The following ACSM6 variants were observed in gnomAD, a reference collection of about 807,000 sequenced individuals.
ACSM6 encodes the protein acyl-CoA synthetase medium chain family member 6, also known as acyl-coenzyme A synthetase ACSM6, mitochondrial.
ACSM6 carries 35 observed loss-of-function variants against 51.1 expected under a neutral mutation model. The observed-to-expected ratio is 0.69, with a 90% confidence interval of 0.52 to 0.91. The LOEUF (loss-of-function observed/expected upper bound fraction) is 0.91. Ranked by LOEUF, ACSM6 falls within the 40% of genes least tolerant of loss-of-function variation. The pLI is 0.00. For synonymous variants in ACSM6, 172 were observed against 207.3 expected (o/e 0.83, Z 1.46); for missense variants, 509 against 584.1 (o/e 0.87, Z 1.32).
chr10:95,213,507 AT>A (rs1005273217), intron 7 of ACSM6, among the ~76,000 whole-genome samples: 68 of 152,250 alleles, frequency 4.5e-4, no homozygotes, highest in African/African-American at 1.6e-3. Flanking sequence ...TGAAACTTGC[AT>A]TTTTTTCACA....
intron 6 of ACSM6, 32 bp from the exon 7 acceptor site, chr10:95,212,826 C>T (rs768297971): frequency 1.3e-6 from 2 of 1,529,028 alleles, no homozygotes; most frequent in Non-Finnish European, 1.8e-6. Context: ...ACCTCACATG[C>T]AGATTTTGTT....
At chr10:95,208,441 G>A (rs892209505) in intron 4 of ACSM6, among the ~76,000 whole-genome samples, 46 of 152,186 alleles carry the variant, frequency 3.0e-4, no homozygotes, top group African/African-American at 1.1e-3. Flanking sequence ...CAATATCCAC[G>A]TAACAAAACT....
At chr10:95,222,673 T>A (rs921270098) in intron 9 of ACSM6, among the ~76,000 whole-genome samples, 4 of 150,752 alleles carry the variant, frequency 2.7e-5, no homozygotes, top group Non-Finnish European at 5.9e-5. Context: ...GAATTGGTGG[T>A]TGCCAGGAGC....
At chr10:95,207,067 C>A (rs1278845940) in intron 3 of ACSM6, 141 bp from the exon 4 acceptor site, 2 of 718,464 alleles carry the variant, frequency 2.8e-6, no homozygotes, top group Non-Finnish European at 4.6e-6. Flanking sequence ...CAGTCGCCAT[C>A]GTGTTACTGA....
chr10:95,227,708 G>GT (rs1192890431), intron 10 of ACSM6, among the ~76,000 whole-genome samples: 1 of 152,190 alleles, frequency 6.6e-6, no homozygotes, highest in African/African-American at 2.4e-5. Context: ...TAACAAGCAG[G>GT]TTGTCCATTA....
At chr10:95,216,245 A>G (rs1208290094) in intron 8 of ACSM6, among the ~76,000 whole-genome samples, 1 of 152,104 alleles carries the variant, frequency 6.6e-6, no homozygotes, top group Non-Finnish European at 1.5e-5. Flanking sequence ...CTCTTCTTAT[A>G]AGGGCACTAA....
At chr10:95,210,898 C>A in intron 5 of ACSM6, 105 bp downstream of exon 5, 1 of 1,305,436 alleles carries the variant, frequency 7.7e-7, no homozygotes, top group Non-Finnish European at 1.0e-6. Flanking sequence ...CTCAAGACTG[C>A]AGAAAGTGTC....
Position 95,207,197 on chromosome 10 carries a change from GT to G in ACSM6, c.404-4del, listed in dbSNP as rs58102963. The G allele has an allele frequency of 0.54, 863,617 of 1,612,876 alleles. 240,163 individuals carry two copies. The highest frequency in any genetic ancestry group is 0.63 in the Middle Eastern group (3,796 of 6,060). ...GATAAAAATGAAGCCTTCTTTTGTGGTTTTTTTCAGGAATCACCTTTGTGCC... is the reference window on the plus strand; with the variant it reads ...GATAAAAATGAAGCCTTCTTTTGTGGTTTTTTCAGGAATCACCTTTGTGCC... On this transcript the variant is annotated splice_polypyrimidine_tract_variant and intron_variant, in intron 3 of 10. Coordinates refer to ENST00000341686, the Ensembl canonical transcript of ACSM6.
rs570389683 is a variant in ACSM6 at position 95,211,863 on chromosome 10, C to T, written c.756-15C>T. ...AGCACGAGAGAATTCAAATGGCTTT[C>T]CTCTTTCTCTTTAGACGGTGGATGG... On this transcript the variant is annotated splice_polypyrimidine_tract_variant and intron_variant, in intron 5 of 10. Coordinates refer to ENST00000341686, the Ensembl canonical transcript of ACSM6. 2 of 1,579,090 alleles carry T rather than the reference C, an allele frequency of 1.3e-6. No individual in the cohort carries two copies. Among genetic ancestry groups the T allele is most frequent in the South Asian group, 2.4e-5 (2 of 83,946 alleles).
intron 3 of ACSM6, among the ~76,000 whole-genome samples, chr10:95,205,438 T>C (rs898921786): frequency 2.6e-5 from 4 of 152,098 alleles, no homozygotes; most frequent in African/African-American, 7.2e-5. Context: ...CCTCATATGA[T>C]GGAAAGAATG....
At chr10:95,225,077 C>T (rs1430163072) in intron 9 of ACSM6, among the ~76,000 whole-genome samples, 1 of 152,190 alleles carries the variant, frequency 6.6e-6, no homozygotes, top group Non-Finnish European at 1.5e-5. Flanking sequence ...TCAGAGTGGA[C>T]ATGCAAACCC....
At chr10:95,225,984 G>A (rs192266139) in intron 10 of ACSM6, 1 of 152,262 alleles carries the variant, frequency 6.6e-6, no homozygotes, top group African/African-American at 2.4e-5. Flanking sequence ...TCTTTATAAT[G>A]AGATCCAGGA....
intron 2 of ACSM6, among the ~76,000 whole-genome samples, chr10:95,200,820 TGA>T (rs899351666): frequency 1.2e-4 from 16 of 135,602 alleles, no homozygotes; most frequent in East Asian, 2.2e-4. Context: ...GGGAAAGAGA[TGA>T]GAGAGAGAGA....
chr10:95,226,830 C>T (rs1369825696), intron 10 of ACSM6, among the ~76,000 whole-genome samples: 3 of 152,066 alleles, frequency 2.0e-5, no homozygotes, highest in African/African-American at 7.2e-5. Context: ...ATAATGCCAC[C>T]ATTCTTAGCC....
At chr10:95,226,310 T>G (rs374399982) in intron 10 of ACSM6, 34 of 152,312 alleles carry the variant, frequency 2.2e-4, no homozygotes, top group African/African-American at 7.7e-4. Context: ...GGCTCATGCC[T>G]GTAATCTCAA....
exon 4 of ACSM6, chr10:95,207,367 T>C: frequency 6.2e-7 from 1 of 1,614,196 alleles, no homozygotes; most frequent in Non-Finnish European, 8.5e-7. Context: ...AAGCTCCTGG[T>C]GTCAGATAAG....
rs1314484480 is a variant in ACSM6 at position 95,202,198 on chromosome 10, G to A, written c.403+3G>A. The A allele has an allele frequency of 1.3e-6, 2 of 1,551,326 alleles. No individual in the cohort carries two copies. ...CTGCCTGGCCTGTGTGCGCTTGGGT[G>A]AGGCATGGGAGACGGACCCCAGGGG... On this transcript the variant is annotated splice_donor_region_variant and intron_variant, in intron 3 of 10. Coordinates refer to ENST00000341686, the Ensembl canonical transcript of ACSM6.
chr10:95,218,139 C>G (rs1350419581), intron 8 of ACSM6, among the ~76,000 whole-genome samples: 1 of 152,178 alleles, frequency 6.6e-6, no homozygotes, highest in Non-Finnish European at 1.5e-5. Context: ...ACAAATATAA[C>G]TGACACTCAG....
At chr10:95,195,424 G>A (rs567514657) in intron 2 of ACSM6, among the ~76,000 whole-genome samples, 3 of 152,210 alleles carry the variant, frequency 2.0e-5, no homozygotes, top group Non-Finnish European at 4.4e-5. Context: ...GTTTGGCTAG[G>A]TATAGGGTCA....
Sources: gnomAD v4.1 joint callset for allele counts (sites outside exome capture counted in the v4.1 genomes callset) on GRCh38, gnomAD v4.1.1 for gene constraint, MANE v1.5 for transcripts, NCBI Gene and HGNC (gene_info 2026-07-23, HGNC 2026-07-21) for gene names.